The following DIAPH3 variants were observed in gnomAD, a reference collection of about 807,000 sequenced individuals.
DIAPH3 encodes diaphanous related formin 3.
DIAPH3 carries 117 observed loss-of-function variants against 144.3 expected under a neutral mutation model. That is an observed-to-expected ratio of 0.81 (90% CI 0.70 to 0.95). The LOEUF is 0.95. Among genes scored for constraint, DIAPH3 ranks in the 40% least tolerant of loss-of-function variants. The probability of loss-of-function intolerance (pLI) is 0.00; values close to 1 mark genes in which losing one functional copy is unlikely to be tolerated. For missense variants in DIAPH3, 1,421 were observed against 1,412.7 expected (o/e 1.01, Z -0.09); for synonymous variants, 519 against 488.9 (o/e 1.06, Z -0.81).
At chr13:59,924,356 TAATATTATA>T (rs1376023439) in intron 18 of DIAPH3, among the ~76,000 whole-genome samples, 1 of 152,136 alleles carries the variant, frequency 6.6e-6, no homozygotes, top group African/African-American at 2.4e-5. Flanking sequence ...TTATTTCCGT[TAATATTATA>T]ACCTCCTTTA....
intron 4 of DIAPH3, among the ~76,000 whole-genome samples, chr13:60,073,377 G>A (rs2057279824): frequency 6.6e-6 from 1 of 151,926 alleles, no homozygotes. Flanking sequence ...ATTATAACTG[G>A]GTGGCATTTC....
Position 59,991,285 on chromosome 13 carries a change from T to G in DIAPH3, c.1245-11A>C. The G allele has an allele frequency of 6.6e-7, 1 of 1,511,384 alleles. No individual in the cohort carries two copies. The highest frequency in any genetic ancestry group is 9.2e-7 in the Non-Finnish European group (1 of 1,087,970). 93.6% of individuals were successfully genotyped at this position (1,511,384 alleles called of 1,614,324 possible). A position where few individuals can be genotyped will look rare whatever the true frequency, so the allele number is the denominator to read the frequency against. ...ACATCATATGCTTCAGTGAGTTGAT[T>G]AAGGAATATATGGATTTATTTATAC... On this transcript the variant is annotated splice_polypyrimidine_tract_variant and intron_variant, in intron 11 of 27. Transcript: ENST00000400324.
intron 5 of DIAPH3, among the ~76,000 whole-genome samples, chr13:60,020,116 A>G (rs772702883): frequency 1.3e-5 from 2 of 152,182 alleles, no homozygotes; most frequent in Non-Finnish European, 2.9e-5. Context: ...TATTTATTCC[A>G]GCATGGGATA....
Position 60,088,168 on chromosome 13 carries a change from C to G in DIAPH3, c.495+5460G>C, listed in dbSNP as rs182831007. Among the ~76,000 whole-genome samples the G allele has an allele frequency of 2.1e-4, 32 of 151,988 alleles. No individual in the cohort carries two copies. The East Asian group carries it at 6.2e-3, about 29-fold the overall frequency. ...TGGACAGTTTAATCATCTTGACCTACGAAAATTAATTGGGGAAAAAGACAA... is the reference window on the plus strand; with the variant it reads ...TGGACAGTTTAATCATCTTGACCTAGGAAAATTAATTGGGGAAAAAGACAA... On this transcript the variant is annotated intron_variant, in intron 4 of 27. Coordinates refer to ENST00000400324, the MANE Select transcript of DIAPH3 (RefSeq NM_001042517.2).
At chr13:59,711,936 A>C (rs1207674565) in intron 27 of DIAPH3, among the ~76,000 whole-genome samples, 1 of 152,200 alleles carries the variant, frequency 6.6e-6, no homozygotes, top group Non-Finnish European at 1.5e-5. Flanking sequence ...GGCATGAGGC[A>C]ACCTGGCAGA....
intron 20 of DIAPH3, among the ~76,000 whole-genome samples, chr13:59,886,092 T>A (rs1363139071): frequency 6.6e-6 from 1 of 152,108 alleles, no homozygotes; most frequent in African/African-American, 2.4e-5. Flanking sequence ...ATTGCCAAAG[T>A]GTTTTTGCAA....
chr13:59,674,809 C>T (rs1353031420), intron 27 of DIAPH3, among the ~76,000 whole-genome samples: 4 of 152,192 alleles, frequency 2.6e-5, no homozygotes, highest in Non-Finnish European at 5.9e-5. Context: ...ATCAGTCATG[C>T]TATCTGTTAT....
chr13:59,697,491 A>AAAG (rs56798577), intron 27 of DIAPH3, among the ~76,000 whole-genome samples: 19,659 of 77,116 alleles, frequency 0.25, 2,674 homozygotes, highest in East Asian at 0.45. Context: ...AAAAAAAAAA[A>AAAG]AAGAAGAGGG....
At chr13:59,909,483 C>T (rs2046891557) in intron 20 of DIAPH3, among the ~76,000 whole-genome samples, 2 of 151,782 alleles carry the variant, frequency 1.3e-5, no homozygotes, top group Admixed American at 1.3e-4. Flanking sequence ...AAGGTAAAAT[C>T]TAAGAACATT....
intron 2 of DIAPH3, 83 bp downstream of exon 2, chr13:60,132,874 T>G: frequency 2.5e-6 from 3 of 1,192,072 alleles, no homozygotes; most frequent in Middle Eastern, 3.8e-4. Context: ...TTTAGCCATT[T>G]CAAAGATGTT....
Position 59,774,910 on chromosome 13 carries a change from G to A in DIAPH3, c.3164-87C>T, listed in dbSNP as rs552161227. 9.5e-5 allele frequency: 105 copies of A among 1,104,878 alleles called. 1 individual carries two copies. The East Asian group carries it at 2.4e-3, about 26-fold the overall frequency. The allele number at this position is 1,104,878 out of a possible 1,614,324, so 68.4% of individuals were successfully genotyped here. On this transcript the variant is annotated intron_variant, in intron 25 of 27. Coordinates refer to ENST00000400324, the MANE Select transcript of DIAPH3 (RefSeq NM_001042517.2). ...ATATACAAAAACTGGTGATGGTGAT[G>A]GTAGGGAGAAAAAAGATCAGATGCC... is the stretch of plus-strand genomic sequence containing the variant.
At chr13:59,882,421 T>A (rs1265603892) in intron 20 of DIAPH3, among the ~76,000 whole-genome samples, 1 of 152,120 alleles carries the variant, frequency 6.6e-6, no homozygotes, top group Non-Finnish European at 1.5e-5. Flanking sequence ...AAACTTTATT[T>A]CTTCAGGTGG....
At chr13:59,965,025 T>C (rs2049971520) in intron 17 of DIAPH3, among the ~76,000 whole-genome samples, 1 of 152,180 alleles carries the variant, frequency 6.6e-6, no homozygotes, top group Admixed American at 6.5e-5. Flanking sequence ...GTTTAAAAAA[T>C]TTTATACACA....
intron 4 of DIAPH3, among the ~76,000 whole-genome samples, chr13:60,051,232 A>G (rs974819943): frequency 5.3e-5 from 8 of 151,854 alleles, no homozygotes; most frequent in Non-Finnish European, 4.4e-5. Flanking sequence ...GTGGGAAAAA[A>G]ATATATATAT....
At chr13:60,031,262 A>C (rs2054771476) in intron 5 of DIAPH3, among the ~76,000 whole-genome samples, 1 of 151,858 alleles carries the variant, frequency 6.6e-6, no homozygotes. Flanking sequence ...AAATGATGAG[A>C]TCTTACAAGA....
At chr13:60,049,717 T>C (rs1029864827) in intron 4 of DIAPH3, among the ~76,000 whole-genome samples, 1 of 152,170 alleles carries the variant, frequency 6.6e-6, no homozygotes, top group African/African-American at 2.4e-5. Flanking sequence ...CAAGTACTGT[T>C]TACATGATGC....
At chr13:60,076,573 A>G (rs1163019597) in intron 4 of DIAPH3, among the ~76,000 whole-genome samples, 2 of 152,160 alleles carry the variant, frequency 1.3e-5, no homozygotes, top group African/African-American at 4.8e-5. Flanking sequence ...ATTCCTATAT[A>G]GGCTGTTCAA....
At chr13:59,736,293 T>C (rs2036150323) in intron 27 of DIAPH3, among the ~76,000 whole-genome samples, 1 of 152,218 alleles carries the variant, frequency 6.6e-6, no homozygotes, top group Admixed American at 6.5e-5. Flanking sequence ...TATATTCCTT[T>C]GGATATATAC....
intron 17 of DIAPH3, among the ~76,000 whole-genome samples, chr13:59,958,106 T>C (rs56684390): frequency 0.037 from 5,591 of 152,302 alleles, 135 homozygotes; most frequent in East Asian, 0.075. Flanking sequence ...CTGCAATAGA[T>C]CTTTTGATAA....
Sources: allele counts gnomAD v4.1 joint callset (sites outside exome capture counted in the v4.1 genomes callset), GRCh38; gene constraint gnomAD v4.1.1; transcripts MANE v1.5; gene names NCBI Gene and HGNC (gene_info 2026-07-23, HGNC 2026-07-21).